ZNF518A: variants seen among roughly 807,000 people sequenced by gnomAD.
ZNF518A encodes the protein zinc finger protein 518.
ZNF518A carries 47 observed loss-of-function variants against 102.7 expected under a neutral mutation model. The observed-to-expected ratio is 0.46, with a 90% confidence interval of 0.36 to 0.58. The LOEUF (loss-of-function observed/expected upper bound fraction) is 0.58, where lower values mean the gene tolerates loss of function less well. Among genes scored for constraint, ZNF518A ranks in the 20% least tolerant of loss-of-function variants. The pLI, the probability that ZNF518A is intolerant of heterozygous loss-of-function variation, is 0.00. For missense variants in ZNF518A, 1,793 were observed against 1,699.8 expected (o/e 1.05, Z -0.96); for synonymous variants, 652 against 594.6 (o/e 1.10, Z -1.40).
At position 96,161,259 on chromosome 10, in the gene ZNF518A, CTA is replaced by C. The variant is rs1554887891; in HGVS notation, c.*489_*490del. On this transcript the variant is annotated 3_prime_UTR_variant, in exon 6 of 6. Coordinates refer to ENST00000316045, the MANE Select transcript of ZNF518A (RefSeq NM_001330736.2). ...AGAGAACCTGGGTAAAGAAGTCACT[CTA>C]TATCTGCTAAATATAGTTATTTTGA... The C allele has an allele frequency of 6.0e-6, 1 of 167,564 alleles. No individual in the cohort carries two copies. The highest frequency in any genetic ancestry group is 2.4e-5 in the African/African-American group (1 of 41,468). 10.4% of individuals were successfully genotyped at this position (167,564 alleles called of 1,614,324 possible).
intron 1 of ZNF518A, chr10:96,130,962 C>A (rs2081305780): frequency 6.6e-6 from 1 of 152,102 alleles, no homozygotes; most frequent in African/African-American, 2.4e-5. Context: ...TTAAGTGGAC[C>A]GATCAAACAG....
At chr10:96,190,678 T>G (rs1191212210) in intron 1 of ZNF518A, among the ~76,000 whole-genome samples, 2 of 152,262 alleles carry the variant, frequency 1.3e-5, no homozygotes, top group Non-Finnish European at 2.9e-5. Context: ...TCTTATGCAG[T>G]GGCCAAGTGT....
intron 3 of ZNF518A, among the ~76,000 whole-genome samples, chr10:96,147,176 T>C (rs2082209817): frequency 6.6e-6 from 1 of 152,226 alleles, no homozygotes; most frequent in African/African-American, 2.4e-5. Context: ...CATGAGTTTA[T>C]GTCAATACAA....
At chr10:96,199,968 C>T (rs1393186973) in intron 1 of ZNF518A, 16 of 702,500 alleles carry the variant, frequency 2.3e-5, no homozygotes, top group South Asian at 1.9e-4. Flanking sequence ...GCAGAGGTTG[C>T]AGTGAGCTGA....
chr10:96,194,112 C>A (rs2133917502), intron 1 of ZNF518A, among the ~76,000 whole-genome samples: 1 of 152,224 alleles, frequency 6.6e-6, no homozygotes, highest in South Asian at 2.1e-4. Flanking sequence ...TTCCTGTTTA[C>A]CAGAGTTTCC....
intron 1 of ZNF518A, chr10:96,196,786 T>C (rs2083477265): frequency 1.1e-6 from 1 of 945,866 alleles, no homozygotes; most frequent in Non-Finnish European, 1.6e-6. Context: ...ATGACATTTA[T>C]GCAAGCATTA....
intron 3 of ZNF518A, among the ~76,000 whole-genome samples, chr10:96,135,575 G>C (rs1469194997): frequency 2.6e-5 from 4 of 152,132 alleles, no homozygotes; most frequent in African/African-American, 9.7e-5. Context: ...ATTTTTTTGA[G>C]TGTCCACTAT....
chr10:96,157,228 A>C lies in ZNF518A; in HGVS notation c.906A>C (p.Lys302Asn). 1 of 1,609,176 alleles carries C rather than the reference A, an allele frequency of 6.2e-7. No individual in the cohort carries two copies. Among genetic ancestry groups the C allele is most frequent in the East Asian group, 2.2e-5 (1 of 44,834 alleles). Residue 302 changes from lysine (K) to asparagine (N), a missense_variant, in exon 6 of 6, where the codon AAA becomes AAC. This residue lies in a region of ZNF518A where 1,741 missense variants were observed against 1,622.6 expected (regional missense o/e 1.07). Transcript: ENST00000316045. ...AACTGGAAAAAGACAAATATGAAAA[A>C]AGAATGGCAAAGACTTCTGCAGGAC... ...KEKLEKDKYE[K>N]RMAKTSAGLK...
At position 96,162,278 on chromosome 10, in the gene ZNF518A, G is replaced by A. The variant is rs1202959572; in HGVS notation, c.*1504G>A. On this transcript the variant is annotated 3_prime_UTR_variant, in exon 6 of 6. Coordinates refer to ENST00000316045, the MANE Select transcript of ZNF518A (RefSeq NM_001330736.2). ...ATAAAACTGGTTGTTTAATTTAAAA[G>A]GAATATATAAGACTTTACCCATGTT... The A allele has an allele frequency of 1.2e-5, 2 of 166,730 alleles. No individual in the cohort carries two copies. Among genetic ancestry groups the A allele is most frequent in the Non-Finnish European group, 2.9e-5 (2 of 68,032 alleles). 10.3% of individuals were successfully genotyped at this position (166,730 alleles called of 1,614,324 possible).
Position 96,161,139 on chromosome 10 carries a change from A to G in ZNF518A, c.*365A>G. On this transcript the variant is annotated 3_prime_UTR_variant, in exon 6 of 6. Coordinates refer to ENST00000316045, the MANE Select transcript of ZNF518A (RefSeq NM_001330736.2). ...ACACCCCCATTCCCTCTCTTCTTCC[A>G]CCAGCCTTATGCATCTAAGTGTAGC... The G allele has an allele frequency of 5.6e-6, 1 of 179,064 alleles. No homozygotes were observed. Among genetic ancestry groups the G allele is most frequent in the East Asian group, 1.7e-4 (1 of 5,750 alleles). The allele number at this position is 179,064 out of a possible 1,614,324, so 11.1% of individuals were successfully genotyped here.
chr10:96,131,612 A>G (rs1411811560), intron 1 of ZNF518A, among the ~76,000 whole-genome samples: 3 of 152,224 alleles, frequency 2.0e-5, no homozygotes, highest in African/African-American at 7.2e-5. Context: ...ATGTTACACA[A>G]CCAAATGTTT....
At chr10:96,132,533 A>C (rs2142233272) in intron 1 of ZNF518A, 53 bp from the exon 2 acceptor site, 1 of 148,366 alleles carries the variant, frequency 6.7e-6, no homozygotes, top group African/African-American at 2.5e-5. Context: ...TGTGAAGTGT[A>C]ATTGAACAGT....
intron 1 of ZNF518A, among the ~76,000 whole-genome samples, chr10:96,198,908 A>T (rs1490945587): frequency 6.6e-6 from 1 of 152,226 alleles, no homozygotes; most frequent in Non-Finnish European, 1.5e-5. Flanking sequence ...CATCTTGGCC[A>T]GGCTGGTCTC....
At chr10:96,144,412 A>G (rs1554877699) in intron 3 of ZNF518A, among the ~76,000 whole-genome samples, 1 of 152,112 alleles carries the variant, frequency 6.6e-6, no homozygotes, top group Admixed American at 6.5e-5. Context: ...TAATTTTCCT[A>G]TTCTGGGCAT....
At chr10:96,164,409 G>A (rs1235449577), downstream of ZNF518A, among the ~76,000 whole-genome samples, 10 of 152,168 alleles carry the variant, frequency 6.6e-5, no homozygotes, top group African/African-American at 2.4e-4. Flanking sequence ...AAAACTTACT[G>A]GGGGGATTTT....
intron 3 of ZNF518A, chr10:96,135,103 T>C: frequency 6.6e-6 from 1 of 152,232 alleles, no homozygotes. Context: ...AATCCTTTTT[T>C]TGAAATTTAT....
chr10:96,197,151 A>G (rs782452195), intron 1 of ZNF518A: 1 of 965,278 alleles, frequency 1.0e-6, no homozygotes, highest in South Asian at 1.6e-5. Context: ...AAGAACACCT[A>G]TATTACATTC....
At chr10:96,164,019 G>T (rs1238791063), downstream of ZNF518A, among the ~76,000 whole-genome samples, 1 of 152,182 alleles carries the variant, frequency 6.6e-6, no homozygotes, top group African/African-American at 2.4e-5. Flanking sequence ...GGTCATTTGT[G>T]TGCTAAGAGT....
chr10:96,203,780 TG>T (rs2083719114), intron 2 of ZNF518A: 1 of 193,488 alleles, frequency 5.2e-6, no homozygotes, highest in Non-Finnish European at 9.5e-6. Flanking sequence ...GTATTGTTTT[TG>T]TAAAAAAAAA....
Sources: gnomAD v4.1 joint callset for allele counts (sites outside exome capture counted in the v4.1 genomes callset) on GRCh38, gnomAD v4.1.1 for gene constraint, gnomAD v4.1.1 regional missense constraint, MANE v1.5 for transcripts, NCBI Gene and HGNC (gene_info 2026-07-23, HGNC 2026-07-21) for gene names.